Variants in TMEM248 observed in about 807,000 individuals in gnomAD.
TMEM248 encodes the protein transmembrane protein 248.
Under a neutral mutation model 30.3 loss-of-function variants are expected in TMEM248, and 9 were observed. The observed-to-expected ratio is 0.30, with a 90% confidence interval of 0.18 to 0.52. TMEM248 has a LOEUF of 0.52. Among genes scored for constraint, TMEM248 ranks in the 20% least tolerant of loss-of-function variants. The probability of loss-of-function intolerance (pLI) is 0.97; values close to 1 mark genes in which losing one functional copy is unlikely to be tolerated. For missense variants in TMEM248, 338 were observed against 403.3 expected (o/e 0.84, Z 1.39); for synonymous variants, 184 against 154.4 (o/e 1.19, Z -1.42).
chr7:66,943,650 TG>T (rs1369877419), intron 2 of TMEM248, among the ~76,000 whole-genome samples: 102 of 152,320 alleles, frequency 6.7e-4, no homozygotes, highest in Admixed American at 2.2e-3. Flanking sequence ...TCAACCCTAA[TG>T]TACTAGAATG....
intron 1 of TMEM248, among the ~76,000 whole-genome samples, chr7:66,935,398 G>A (rs1453317705): frequency 6.6e-6 from 1 of 152,144 alleles, no homozygotes; most frequent in East Asian, 1.9e-4. Context: ...AGCCAGGCTA[G>A]CCTCAAACTC....
At chr7:66,924,474 A>T (rs1791471116) in intron 1 of TMEM248, among the ~76,000 whole-genome samples, 1 of 152,072 alleles carries the variant, frequency 6.6e-6, no homozygotes, top group African/African-American at 2.4e-5. Context: ...GCGCGATCTC[A>T]GCTCACTGCA....
At chr7:66,954,749 C>G (rs1267956034) in intron 6 of TMEM248, among the ~76,000 whole-genome samples, 1 of 152,130 alleles carries the variant, frequency 6.6e-6, no homozygotes, top group African/African-American at 2.4e-5. Context: ...CCCACAATTA[C>G]AGAAGGCCAG....
intron 1 of TMEM248, chr7:66,921,894 A>G (rs1791395184): frequency 6.6e-6 from 1 of 152,274 alleles, no homozygotes; most frequent in Non-Finnish European, 1.5e-5. Flanking sequence ...TAAATGGCAT[A>G]GTGGTGTTCC....
At chr7:66,922,498 C>T (rs869249) in intron 1 of TMEM248, among the ~76,000 whole-genome samples, 15,704 of 151,990 alleles carry the variant, frequency 0.1, 980 homozygotes, top group South Asian at 0.2. Context: ...TGTGCATTGA[C>T]CCTAAGTGCA....
chr7:66,931,500 T>C (rs184557299), intron 1 of TMEM248, among the ~76,000 whole-genome samples: 250 of 152,014 alleles, frequency 1.6e-3, no homozygotes, highest in Non-Finnish European at 2.1e-3. Context: ...ATTTTTTTTT[T>C]CCACCATGTT....
At chr7:66,951,339 G>T in intron 5 of TMEM248, 2 of 435,286 alleles carry the variant, frequency 4.6e-6, no homozygotes, top group Non-Finnish European at 7.8e-6. Flanking sequence ...AGAAAAATCT[G>T]GTTTTTCTCT....
intron 6 of TMEM248, among the ~76,000 whole-genome samples, chr7:66,954,921 C>A (rs960357364): frequency 2.0e-5 from 3 of 152,142 alleles, no homozygotes; most frequent in African/African-American, 4.8e-5. Context: ...TAGCTGCCTC[C>A]TCTGTAGTTC....
In TMEM248 at chr7:66,955,706, T is replaced by C; in HGVS notation, c.*184T>C. On this transcript the variant is annotated 3_prime_UTR_variant, in exon 7 of 7. Coordinates refer to ENST00000341567, the MANE Select transcript of TMEM248 (RefSeq NM_017994.5). ...TTATAAAAATCTATTCAGAAATTGG[T>C]CCAATAATGCACGTGCTTTGCCCTG... 1.3e-6 allele frequency: 1 copy of C among 756,798 alleles called. No individual in the cohort carries two copies. The allele number at this position is 756,798 out of a possible 1,614,324, so 46.9% of individuals were successfully genotyped here. A position where few individuals can be genotyped will look rare whatever the true frequency, so the allele number is the denominator to read the frequency against.
chr7:66,931,890 C>T (rs955606058), intron 1 of TMEM248, among the ~76,000 whole-genome samples: 2 of 148,060 alleles, frequency 1.4e-5, no homozygotes, highest in African/African-American at 5.0e-5. Context: ...CTGCAAGCTC[C>T]GTCTCCTGGA....
In TMEM248 at chr7:66,945,137, G is replaced by C. The variant is rs780166698; in HGVS notation, c.321G>C (p.Ser107=). 6.2e-7 allele frequency: 1 copy of C among 1,614,172 alleles called. No individual in the cohort carries two copies. The highest frequency in any genetic ancestry group is 8.5e-7 in the Non-Finnish European group (1 of 1,180,034). ...AGTCCCCCCAGGCCCTGGAGGACTC[G>C]GGCCCGGTGAATATCTCAGTCTCAA... ...STQSPQALED[S]GPVNISVSIT... is the part of the protein sequence containing the mutation. Residue 107 remains serine, a synonymous_variant, in exon 3 of 7, where the codon TCG becomes TCC. Coordinates refer to ENST00000341567, the MANE Select transcript of TMEM248 (RefSeq NM_017994.5).
chr7:66,953,262 A>G lies in TMEM248; in HGVS notation c.817A>G (p.Thr273Ala), dbSNP rs1228837665. Residue 273 changes from threonine to alanine, a missense_variant, in exon 6 of 7, where the codon ACC (threonine) becomes GCC (alanine). Thr to Ala is a moderately conservative substitution (Grantham distance 58, BLOSUM62 0). Transcript: ENST00000341567. ...ATTAATAAATTTGCATCTCATGCAC[A>G]CCAGTTACTTCCTCTTTGTGATGGT... ...RSLINLHLMH[T>A]SYFLFVMVIT... 2 of 1,614,134 alleles carry G rather than the reference A, an allele frequency of 1.2e-6. No homozygotes were observed. The highest frequency in any genetic ancestry group is 1.7e-5 in the Admixed American group (1 of 60,020).
Position 66,955,882 on chromosome 7 carries a change from T to TGAA in TMEM248, c.*362_*364dup, listed in dbSNP as rs1245131713. The stretch of plus-strand genomic sequence containing the variant: ...AGGAGCATTGCGTCGCTGATGGGGT[T>TGAA]GAAGTTTGGTTTGGTTCTTGTTTCA... On this transcript the variant is annotated 3_prime_UTR_variant, in exon 7 of 7. Coordinates refer to ENST00000341567, the MANE Select transcript of TMEM248 (RefSeq NM_017994.5). The TGAA allele has an allele frequency of 4.1e-6, 1 of 246,882 alleles. No homozygotes were observed. Among genetic ancestry groups the TGAA allele is most frequent in the African/African-American group, 2.3e-5 (1 of 44,432 alleles). 15.3% of individuals were successfully genotyped at this position (246,882 alleles called of 1,614,324 possible). A position where few individuals can be genotyped will look rare whatever the true frequency, so the allele number is the denominator to read the frequency against.
intron 1 of TMEM248, among the ~76,000 whole-genome samples, chr7:66,924,338 A>G (rs1791466178): frequency 6.6e-6 from 1 of 152,156 alleles, no homozygotes; most frequent in South Asian, 2.1e-4. Context: ...ATGCCATGTA[A>G]TTGCTCTAGA....
intron 1 of TMEM248, among the ~76,000 whole-genome samples, chr7:66,936,552 G>C (rs533938821): frequency 1.3e-5 from 2 of 152,146 alleles, no homozygotes; most frequent in East Asian, 3.9e-4. Flanking sequence ...TTGGTATCAG[G>C]GTGATACTGG....
intron 1 of TMEM248, among the ~76,000 whole-genome samples, chr7:66,933,021 G>T (rs934666159): frequency 1.3e-4 from 19 of 151,682 alleles, no homozygotes; most frequent in African/African-American, 4.1e-4. Flanking sequence ...ACCACACCCG[G>T]CTAATTTTTT....
intron 1 of TMEM248, among the ~76,000 whole-genome samples, chr7:66,929,158 C>T (rs897704579): frequency 7.2e-5 from 11 of 152,150 alleles, no homozygotes; most frequent in Non-Finnish European, 2.9e-5. Flanking sequence ...AATGCATGGG[C>T]TCTGGAGGCC....
At chr7:66,949,963 A>G (rs1004659364) in intron 4 of TMEM248, among the ~76,000 whole-genome samples, 8 of 152,164 alleles carry the variant, frequency 5.3e-5, no homozygotes, top group Non-Finnish European at 1.0e-4. Flanking sequence ...TCTATTTTAG[A>G]CATTTGGAGG....
At chr7:66,922,408 A>G (rs987740570) in intron 1 of TMEM248, among the ~76,000 whole-genome samples, 4 of 152,182 alleles carry the variant, frequency 2.6e-5, no homozygotes, top group African/African-American at 9.7e-5. Flanking sequence ...TTGACCGATA[A>G]GGGTGTCCAT....
Sources: gnomAD v4.1 joint callset for allele counts (sites outside exome capture counted in the v4.1 genomes callset) on GRCh38, gnomAD v4.1.1 for gene constraint, MANE v1.5 for transcripts, NCBI Gene and HGNC (gene_info 2026-07-23, HGNC 2026-07-21) for gene names.